Variants in FBXL13 observed in about 807,000 individuals in gnomAD.
FBXL13 encodes F-box and leucine-rich repeat protein 13.
In FBXL13, 67 loss-of-function variants were observed where a neutral mutation model predicts 83.6. That is an observed-to-expected ratio of 0.80 (90% CI 0.66 to 0.98). FBXL13 has a LOEUF of 0.98. Ranked by LOEUF, FBXL13 falls within the 50% of genes least tolerant of loss-of-function variation. The probability of loss-of-function intolerance (pLI) is 0.00; values close to 1 mark genes in which losing one functional copy is unlikely to be tolerated. For synonymous variants in FBXL13, 272 were observed against 299.5 expected (o/e 0.91, Z 0.95); for missense variants, 822 against 866.5 (o/e 0.95, Z 0.64).
At chr7:102,931,858 TA>T in intron 9 of FBXL13, 22 bp downstream of exon 10, 1 of 1,609,738 alleles carries the variant, frequency 6.2e-7, no homozygotes, top group Non-Finnish European at 8.5e-7. Context: ...TAAACAGCAG[TA>T]AAAATGGTTG....
At chr7:102,830,568 A>G (rs1276809980) in intron 18 of FBXL13, among the ~76,000 whole-genome samples, 3 of 152,204 alleles carry the variant, frequency 2.0e-5, no homozygotes, top group African/African-American at 7.2e-5. Flanking sequence ...ATTAAACAAA[A>G]ATAATTTTGC....
At chr7:102,859,957 G>C (rs1049147088) in intron 16 of FBXL13, among the ~76,000 whole-genome samples, 5 of 152,198 alleles carry the variant, frequency 3.3e-5, no homozygotes, top group Non-Finnish European at 5.9e-5. Context: ...GGAGCACTTT[G>C]CTCCTCCATT....
At chr7:102,932,961 G>A (rs1392598716) in intron 8 of FBXL13, 7 of 152,170 alleles carry the variant, frequency 4.6e-5, no homozygotes, top group Non-Finnish European at 7.3e-5. Flanking sequence ...AGCAGTTAAC[G>A]AAATAGACAC....
At position 102,968,182 on chromosome 7, in the gene FBXL13, C is replaced by G. The variant is rs536603428; in HGVS notation, c.496-65G>C. 1.7e-4 allele frequency: 191 copies of G among 1,111,174 alleles called. No homozygotes were observed. The African/African-American group carries it at 2.5e-3, about 15-fold the overall frequency. 68.8% of individuals were successfully genotyped at this position (1,111,174 alleles called of 1,614,324 possible). Reference sequence around the variant, plus strand: ...ACTTTGATGTAACTTGTCCACTTACCTTTTGTCTGTGTGTGTGCACACATG... The same window carrying G: ...ACTTTGATGTAACTTGTCCACTTACGTTTTGTCTGTGTGTGTGCACACATG... On this transcript the variant is annotated intron_variant, in intron 6 of 19. Transcript: ENST00000313221.
At chr7:102,963,362 T>C (rs1825579389) in intron 8 of FBXL13, among the ~76,000 whole-genome samples, 171 bp downstream of exon 9, 1 of 151,824 alleles carries the variant, frequency 6.6e-6, no homozygotes, top group Non-Finnish European at 1.5e-5. Context: ...TCCCAGGGCA[T>C]GCAATACAGT....
intron 18 of FBXL13, among the ~76,000 whole-genome samples, chr7:102,825,399 T>G (rs1224766932): frequency 6.6e-6 from 1 of 152,222 alleles, no homozygotes; most frequent in Non-Finnish European, 1.5e-5. Context: ...GCCATGCGAT[T>G]CCCTGCGTTG....
chr7:103,011,539 G>A (rs1034844633), intron 6 of FBXL13, among the ~76,000 whole-genome samples: 1 of 151,836 alleles, frequency 6.6e-6, no homozygotes, highest in Non-Finnish European at 1.5e-5. Context: ...CCTGGAGGCT[G>A]AGGCTGGAGA....
intron 6 of FBXL13, among the ~76,000 whole-genome samples, chr7:103,016,436 C>T (rs1792330284): frequency 1.3e-5 from 2 of 152,026 alleles, no homozygotes; most frequent in Admixed American, 6.6e-5. Context: ...GTACTGGGTT[C>T]ATCTCACTAA....
chr7:103,008,317 A>G (rs1283527216), intron 6 of FBXL13, among the ~76,000 whole-genome samples: 3 of 152,174 alleles, frequency 2.0e-5, no homozygotes, highest in African/African-American at 7.2e-5. Flanking sequence ...TGAACTGGAC[A>G]GGGTCCTTTT....
intron 6 of FBXL13, among the ~76,000 whole-genome samples, chr7:102,975,566 A>G (rs1462089149): frequency 1.3e-5 from 2 of 152,236 alleles, no homozygotes; most frequent in Non-Finnish European, 2.9e-5. Flanking sequence ...AAGGCTGCCC[A>G]TAAAGTGGTA....
At chr7:102,967,926 CA>C in intron 7 of FBXL13, 95 bp downstream of exon 8, 3 of 831,846 alleles carry the variant, frequency 3.6e-6, no homozygotes, top group Non-Finnish European at 5.8e-6. Context: ...GACCACAGAG[CA>C]TGGAAGAAGG....
chr7:102,927,505 C>G (rs1195535807), intron 9 of FBXL13, among the ~76,000 whole-genome samples: 1 of 152,168 alleles, frequency 6.6e-6, no homozygotes, highest in Non-Finnish European at 1.5e-5. Flanking sequence ...TTCCAGTAGT[C>G]ATGGATTTTT....
At chr7:102,963,555 T>A in exon 8 of FBXL13, 2 of 1,613,134 alleles carry the variant, frequency 1.2e-6, no homozygotes, top group Non-Finnish European at 1.7e-6. Context: ...AAGTTTTGGG[T>A]CGGAGAAGAC....
At chr7:102,980,594 G>A (rs1043822532) in intron 6 of FBXL13, among the ~76,000 whole-genome samples, 9 of 152,164 alleles carry the variant, frequency 5.9e-5, no homozygotes, top group Non-Finnish European at 4.4e-5. Flanking sequence ...TGGCTAACAT[G>A]GTGAAACCCC....
At chr7:102,819,426 C>CA (rs1415307811) in intron 19 of FBXL13, among the ~76,000 whole-genome samples, 1 of 152,158 alleles carries the variant, frequency 6.6e-6, no homozygotes, top group African/African-American at 2.4e-5. Flanking sequence ...AAAAGGGCTA[C>CA]AGCCAATTTG....
chr7:102,853,613 C>A (rs1805589510), intron 17 of FBXL13, among the ~76,000 whole-genome samples: 1 of 152,146 alleles, frequency 6.6e-6, no homozygotes, highest in Admixed American at 6.5e-5. Flanking sequence ...ATTTTTGCAA[C>A]CTACTCATCT....
intron 11 of FBXL13, 124 bp downstream of exon 12, chr7:102,912,962 T>C: frequency 2.3e-6 from 3 of 1,304,400 alleles, no homozygotes; most frequent in Non-Finnish European, 3.1e-6. Flanking sequence ...CCATGTAATT[T>C]AAAACCTCTG....
intron 19 of FBXL13, 56 bp downstream of exon 20, chr7:102,821,984 T>C (rs541380576): frequency 1.9e-5 from 29 of 1,554,376 alleles, no homozygotes; most frequent in Non-Finnish European, 2.6e-5. Context: ...AGCCATATAC[T>C]ATGTTTTCTC....
intron 11 of FBXL13, among the ~76,000 whole-genome samples, chr7:102,885,030 T>A (rs796333338): frequency 9.2e-5 from 14 of 152,342 alleles, no homozygotes; most frequent in African/African-American, 3.4e-4. Flanking sequence ...GTTTTAAAAA[T>A]CCATTAATCT....
Sources: allele counts gnomAD v4.1 joint callset (sites outside exome capture counted in the v4.1 genomes callset), GRCh38; gene constraint gnomAD v4.1.1; transcripts MANE v1.5; gene names NCBI Gene and HGNC (gene_info 2026-07-23, HGNC 2026-07-21).